Variants in ZBBX observed in about 807,000 individuals in gnomAD.
ZBBX encodes the protein zinc finger B-box domain-containing protein 1.
A neutral mutation model predicts 108.5 loss-of-function variants in ZBBX; 101 were observed. The ratio of observed to expected loss-of-function variants is 0.93; its 90% CI spans 0.79 to 1.10. The LOEUF is 1.10. Among genes scored for constraint, ZBBX ranks in the 50% least tolerant of loss-of-function variants. The probability of loss-of-function intolerance (pLI) is 0.00; values close to 1 mark genes in which losing one functional copy is unlikely to be tolerated. For synonymous variants in ZBBX, 356 were observed against 323.4 expected (o/e 1.10, Z -1.08); for missense variants, 1,009 against 941.4 (o/e 1.07, Z -0.94).
At chr3:167,266,664 CT>C (rs1257958292) in intron 20 of ZBBX, among the ~76,000 whole-genome samples, 2 of 152,250 alleles carry the variant, frequency 1.3e-5, no homozygotes, top group African/African-American at 4.8e-5. Context: ...GTATAAAAAA[CT>C]CCCGGTCCCC....
At chr3:167,289,104 A>G in intron 18 of ZBBX, 121 bp from the exon 19 acceptor site, 1 of 399,060 alleles carries the variant, frequency 2.5e-6, no homozygotes, top group Non-Finnish European at 4.2e-6. Context: ...TACAACAGTG[A>G]TATATATTAT....
At chr3:167,344,080 C>T (rs1003555929) in intron 9 of ZBBX, among the ~76,000 whole-genome samples, 1 of 151,624 alleles carries the variant, frequency 6.6e-6, no homozygotes, top group African/African-American at 2.4e-5. Context: ...CATGGATGAA[C>T]ATTGAAAACG....
At chr3:167,268,124 C>T (rs553769517) in intron 20 of ZBBX, among the ~76,000 whole-genome samples, 19 of 152,038 alleles carry the variant, frequency 1.2e-4, no homozygotes, top group African/African-American at 2.2e-4. Flanking sequence ...GACTCTCTTC[C>T]GCTTGAGAGA....
At chr3:167,227,412 C>A in the ZBBX span, among the ~76,000 whole-genome samples, 3 of 151,572 alleles carry the variant, frequency 2.0e-5, no homozygotes, top group African/African-American at 7.3e-5. Context: ...TTTCCTCTAC[C>A]CGTCCCCAAA....
chr3:167,348,314 GAGAAAGAAAGAA>G (rs71176641), intron 9 of ZBBX, among the ~76,000 whole-genome samples: 1,513 of 65,262 alleles, frequency 0.023, 45 homozygotes, highest in Non-Finnish European at 0.031. Context: ...GAGAAAGAAA[GAGAAAGAAAGAA>G]AGAAAGAAAG....
At chr3:167,245,020 A>G (rs1405559049) in intron 20 of ZBBX, among the ~76,000 whole-genome samples, 1 of 152,238 alleles carries the variant, frequency 6.6e-6, no homozygotes, top group African/African-American at 2.4e-5. Context: ...AAAAACTTCA[A>G]AGAATGAGAA....
the ZBBX span, among the ~76,000 whole-genome samples, chr3:167,218,552 C>T: frequency 3.3e-5 from 5 of 151,954 alleles, no homozygotes; most frequent in Non-Finnish European, 5.9e-5. Flanking sequence ...CTTAAGTCGT[C>T]ATCAGTTTAA....
chr3:167,241,705 C>G (rs992512624), intron 21 of ZBBX, among the ~76,000 whole-genome samples: 10 of 151,988 alleles, frequency 6.6e-5, no homozygotes, highest in South Asian at 2.1e-4. Context: ...CATGTTGATA[C>G]CCTGTCTTAA....
Position 167,258,717 on chromosome 3 carries a change from T to A in ZBBX, c.2255-16074A>T, listed in dbSNP as rs529148305. 3.3e-5 allele frequency among the ~76,000 whole-genome samples: 5 copies of A among 152,326 alleles called. No homozygotes were observed. In the East Asian group the frequency reaches 9.6e-4, roughly 29 times the overall value. Reference sequence around the variant, plus strand: ...GATTTTGTTGAATGCTTTTTCTGCATCTATTGAAATGATCAGGTGATTTTT... The same window carrying A: ...GATTTTGTTGAATGCTTTTTCTGCAACTATTGAAATGATCAGGTGATTTTT... On this transcript the variant is annotated intron_variant, in intron 20 of 21. Coordinates refer to ENST00000675490, the MANE Select transcript of ZBBX (RefSeq NM_001199201.2).
chr3:167,248,734 AC>A (rs1424583012), intron 20 of ZBBX: 7 of 439,622 alleles, frequency 1.6e-5, no homozygotes, highest in Non-Finnish European at 2.8e-5. Flanking sequence ...TACCAACTAA[AC>A]CCCCCACCTC....
rs1720510962 is a variant in ZBBX at position 167,240,644 on chromosome 3, T to A, written c.*149A>T. On this transcript the variant is annotated 3_prime_UTR_variant, in exon 22 of 22. Transcript: ENST00000675490. ...GAAGAATAAGCCCTTGAACTTATAA[T>A]TTTACTTTTATTAGTTTGTAGCCTT... 1 of 846,132 alleles carries A rather than the reference T, an allele frequency of 1.2e-6. No homozygotes were observed. The highest frequency in any genetic ancestry group is 2.9e-5 in the Admixed American group (1 of 34,286). 52.4% of individuals were successfully genotyped at this position (846,132 alleles called of 1,614,324 possible).
At chr3:167,340,958 A>G (rs1740432790) in intron 9 of ZBBX, among the ~76,000 whole-genome samples, 1 of 151,986 alleles carries the variant, frequency 6.6e-6, no homozygotes, top group African/African-American at 2.4e-5. Flanking sequence ...CAGATATGGT[A>G]TTTGCAAGAG....
the ZBBX span, among the ~76,000 whole-genome samples, chr3:167,192,116 T>G: frequency 6.6e-6 from 1 of 151,872 alleles, no homozygotes; most frequent in Admixed American, 6.6e-5. Context: ...ATTTTGGGCT[T>G]CATACTTTTA....
intron 20 of ZBBX, among the ~76,000 whole-genome samples, chr3:167,258,052 T>C (rs1195643469): frequency 6.6e-6 from 1 of 152,106 alleles, no homozygotes; most frequent in Non-Finnish European, 1.5e-5. Context: ...TGCTTTTGGG[T>C]TCTTGGTCAT....
downstream of ZBBX, among the ~76,000 whole-genome samples, chr3:167,236,867 CAA>C (rs2108295631): frequency 6.6e-6 from 1 of 151,692 alleles, no homozygotes; most frequent in Non-Finnish European, 1.5e-5. Flanking sequence ...TTTTATGAAG[CAA>C]AAGGCAGGAT....
At chr3:167,316,838 ATT>A (rs1275775276) in intron 14 of ZBBX, among the ~76,000 whole-genome samples, 165 bp downstream of exon 14, 5 of 152,092 alleles carry the variant, frequency 3.3e-5, no homozygotes, top group Admixed American at 6.6e-5. Context: ...TCAGAATAAT[ATT>A]GTTTTATTCT....
chr3:167,283,647 G>A (rs1576887146), intron 19 of ZBBX, among the ~76,000 whole-genome samples: 1 of 152,116 alleles, frequency 6.6e-6, no homozygotes, highest in African/African-American at 2.4e-5. Flanking sequence ...TTTTTGGGGG[G>A]TTTTGGGAGT....
At chr3:167,266,870 G>A (rs79451759) in intron 20 of ZBBX, among the ~76,000 whole-genome samples, 7,643 of 152,170 alleles carry the variant, frequency 0.05, 522 homozygotes, top group African/African-American at 0.15. Context: ...GTCCTTTCCC[G>A]TGAGAAGGCA....
intron 6 of ZBBX, among the ~76,000 whole-genome samples, chr3:167,365,023 G>A (rs1455931083): frequency 1.3e-5 from 2 of 151,456 alleles, no homozygotes; most frequent in African/African-American, 4.8e-5. Flanking sequence ...CCTTTCATCT[G>A]ACCTCTAGAT....
Sources: gnomAD v4.1 joint callset for allele counts (sites outside exome capture counted in the v4.1 genomes callset) on GRCh38, gnomAD v4.1.1 for gene constraint, MANE v1.5 for transcripts, NCBI Gene and HGNC (gene_info 2026-07-23, HGNC 2026-07-21) for gene names.